The following ABCB7 variants were observed in gnomAD, a reference collection of about 807,000 sequenced individuals.
ABCB7 encodes ATP binding cassette subfamily B member 7.
ABCB7 carries 7 observed loss-of-function variants against 54.4 expected under a neutral mutation model. That is an observed-to-expected ratio of 0.13 (90% CI 0.07 to 0.24). The LOEUF (loss-of-function observed/expected upper bound fraction) is 0.24, where lower values mean the gene tolerates loss of function less well. ABCB7 is among the 10% of genes least tolerant of loss of function. The pLI is 1.00. For missense variants in ABCB7, 356 were observed against 570.4 expected (o/e 0.62, Z 3.83); for synonymous variants, 218 against 207.1 (o/e 1.05, Z -0.45).
rs201840064 is a variant in ABCB7 at position 75,120,626 on chromosome X, A to AT, written c.169-5796_169-5795insA. 1.2e-4 allele frequency among the ~76,000 whole-genome samples: 13 copies of AT among 110,374 alleles called. No homozygotes were observed. The South Asian group carries it at 3.1e-3, about 27-fold the overall frequency. ...CAAAAATAAATAAATAAATAAATAA[A>AT]AATAAACTGTTTTATTTTGCAACAG... On this transcript the variant is annotated intron_variant, in intron 1 of 15. Coordinates refer to ENST00000373394, the MANE Select transcript of ABCB7 (RefSeq NM_001271696.3).
At chrX:75,063,754 T>G (rs2081298095) in intron 13 of ABCB7, among the ~76,000 whole-genome samples, 1 of 112,317 alleles carries the variant, frequency 8.9e-6, no homozygotes, top group Non-Finnish European at 1.9e-5. Context: ...GTTTATTCTC[T>G]AACATAATTA....
At chrX:75,073,231 G>C (rs2081379384) in intron 8 of ABCB7, among the ~76,000 whole-genome samples, 2 of 111,824 alleles carry the variant, frequency 1.8e-5, no homozygotes, top group South Asian at 7.4e-4. Flanking sequence ...ACATATACTA[G>C]TTAACATACT....
chrX:75,094,036 ATATATATATATATATATC>A (rs201097178), intron 4 of ABCB7, among the ~76,000 whole-genome samples: 398 of 38,098 alleles, frequency 0.01, 3 homozygotes, highest in Middle Eastern at 0.057. Flanking sequence ...ATATATATAT[ATATATATATATATATATC>A]TATCTTATTA....
At chrX:75,121,483 T>G (rs1196344304) in intron 1 of ABCB7, among the ~76,000 whole-genome samples, 2 of 111,341 alleles carry the variant, frequency 1.8e-5, no homozygotes, top group East Asian at 2.8e-4. Flanking sequence ...TCTCAACAGT[T>G]GTTTTAGAGT....
At chrX:75,115,410 CTTTTTTTTTTTTTTTTTT>C (rs747398607) in intron 1 of ABCB7, among the ~76,000 whole-genome samples, 3 of 30,187 alleles carry the variant, frequency 9.9e-5, no homozygotes, top group Non-Finnish European at 1.6e-4. Flanking sequence ...TGTCTCTTTT[CTTTTTTTTTTTTTTTTTT>C]TTTTTTTTTT....
intron 3 of ABCB7, among the ~76,000 whole-genome samples, chrX:75,112,435 C>T (rs1018442909): frequency 7.2e-5 from 8 of 111,215 alleles, no homozygotes; most frequent in African/African-American, 2.3e-4. Flanking sequence ...ATAATAATAA[C>T]GATAAAGAAT....
rs562945322 is a variant in ABCB7 at position 75,104,733 on chromosome X, A to G, written c.334-5672T>C. ...ACCCTAAAACCAAAACCAGGCAAGG[A>G]AACAACCCAAAACAAAACAAAAAAC... On this transcript the variant is annotated intron_variant, in intron 3 of 15. Transcript: ENST00000373394. Among the ~76,000 whole-genome samples the G allele has an allele frequency of 2.4e-4, 27 of 111,256 alleles. No homozygotes were observed. In the South Asian group the frequency reaches 9.9e-3, roughly 41 times the overall value.
intron 3 of ABCB7, among the ~76,000 whole-genome samples, chrX:75,112,216 C>T (rs2081766911): frequency 9.0e-6 from 1 of 111,364 alleles, no homozygotes; most frequent in South Asian, 3.8e-4. Context: ...GACCACCAAC[C>T]CTGAAAATAT....
chrX:75,153,901 C>T (rs1340596561), intron 1 of ABCB7, among the ~76,000 whole-genome samples: 1 of 108,286 alleles, frequency 9.2e-6, no homozygotes, highest in Non-Finnish European at 1.9e-5. Context: ...CTAATCCAAC[C>T]CACTAACATT....
At chrX:75,076,742 G>C in intron 4 of ABCB7, 88 bp from the exon 5 acceptor site, 2 of 1,001,065 alleles carry the variant, frequency 2.0e-6, no homozygotes, top group South Asian at 4.1e-5. Context: ...AGTACTTATG[G>C]TAATGTTTAC....
intron 1 of ABCB7, among the ~76,000 whole-genome samples, chrX:75,134,520 T>A (rs1360636304): frequency 1.8e-5 from 2 of 111,986 alleles, no homozygotes; most frequent in Non-Finnish European, 3.8e-5. Flanking sequence ...CAATAGAATA[T>A]ACATTCTTCT....
At chrX:75,148,526 A>G (rs911947669) in intron 1 of ABCB7, among the ~76,000 whole-genome samples, 3 of 110,745 alleles carry the variant, frequency 2.7e-5, no homozygotes, top group South Asian at 7.8e-4. Flanking sequence ...CCACAAATTT[A>G]TATGTTGAAG....
intron 12 of ABCB7, among the ~76,000 whole-genome samples, chrX:75,066,731 C>T (rs1335257564): frequency 2.7e-5 from 3 of 111,354 alleles, no homozygotes; most frequent in Non-Finnish European, 5.7e-5. Flanking sequence ...TCTAATATTA[C>T]ATTGATATTT....
At chrX:75,098,465 A>G (rs1163382255) in intron 4 of ABCB7, among the ~76,000 whole-genome samples, 2 of 111,646 alleles carry the variant, frequency 1.8e-5, no homozygotes, top group African/African-American at 6.5e-5. Context: ...TGAACGTACC[A>G]AAACAGTCAG....
Position 75,099,061 on chromosome X carries a change from A to G in ABCB7, c.334T>C (p.Leu112=), listed in dbSNP as rs1282552789. The part of the protein sequence containing the change: ...GGLHTDPKEG[L]KDVDTRKIIK... ...ATTTTCCGAGTATCAACATCTTTTAACTATTGAAAGAGAGAAAACAAAGCA... is the reference window on the plus strand; with the variant it reads ...ATTTTCCGAGTATCAACATCTTTTAGCTATTGAAAGAGAGAAAACAAAGCA... The change falls in exon 4 of 16, where the codon TTA becomes CTA. Residue 112 remains leucine (L), a splice_region_variant and synonymous_variant. Transcript: ENST00000373394. The G allele has an allele frequency of 8.3e-7, 1 of 1,208,698 alleles. No individual in the cohort carries two copies. The highest frequency in any genetic ancestry group is 1.1e-6 in the Non-Finnish European group (1 of 893,089).
intron 12 of ABCB7, among the ~76,000 whole-genome samples, chrX:75,068,221 ACT>A (rs1240248768): frequency 9.1e-6 from 1 of 109,547 alleles, no homozygotes; most frequent in East Asian, 2.9e-4. Flanking sequence ...CCATCCAATC[ACT>A]CTCTTACAGT....
intron 15 of ABCB7, among the ~76,000 whole-genome samples, chrX:75,056,547 ACTT>A (rs369889957): frequency 8.4e-4 from 94 of 111,733 alleles, no homozygotes; most frequent in African/African-American, 2.9e-3. Flanking sequence ...GGAATCAACT[ACTT>A]CTCCAAAAAG....
intron 2 of ABCB7, among the ~76,000 whole-genome samples, chrX:75,113,900 A>G (rs1023350903): frequency 8.0e-5 from 9 of 112,145 alleles, no homozygotes; most frequent in African/African-American, 2.9e-4. Flanking sequence ...GGAAAACATC[A>G]AAAGGTAATT....
chrX:75,065,095 T>C lies in ABCB7; in HGVS notation c.1806A>G (p.Val602=). 1 of 1,211,139 alleles carries C rather than the reference T, an allele frequency of 8.3e-7. No individual in the cohort carries two copies. Among genetic ancestry groups the C allele is most frequent in the Non-Finnish European group, 1.1e-6 (1 of 895,270 alleles). ...CTGAAAGCTTGAGTCCTCGTTCCCC[T>C]ACTTGGGTGTCATATCCATGTGGCA... The part of the protein sequence containing the change: ...LRMPHGYDTQ[V]GERGLKLSGG... The change falls in exon 13 of 16, where the codon GTA becomes GTG. Residue 602 remains valine, a synonymous_variant. Coordinates refer to ENST00000373394, the MANE Select transcript of ABCB7 (RefSeq NM_001271696.3).
Sources: gnomAD v4.1 joint callset for allele counts (sites outside exome capture counted in the v4.1 genomes callset) on GRCh38, gnomAD v4.1.1 for gene constraint, MANE v1.5 for transcripts, NCBI Gene and HGNC (gene_info 2026-07-23, HGNC 2026-07-21) for gene names.